COBLL1: variants seen among roughly 807,000 people sequenced by gnomAD.
The protein encoded by COBLL1 is cordon-bleu WH2 repeat protein like 1, also known as cordon-bleu protein-like 1.
COBLL1 carries 50 observed loss-of-function variants against 94.8 expected under a neutral mutation model. The ratio of observed to expected loss-of-function variants is 0.53; its 90% CI spans 0.42 to 0.67. The LOEUF (loss-of-function observed/expected upper bound fraction) is 0.67. Ranked by LOEUF, COBLL1 falls within the 30% of genes least tolerant of loss-of-function variation. The probability of loss-of-function intolerance (pLI) is 0.00; values close to 1 mark genes in which losing one functional copy is unlikely to be tolerated. For missense variants in COBLL1, 1,362 were observed against 1,348.7 expected (o/e 1.01, Z -0.15); for synonymous variants, 448 against 473.8 (o/e 0.95, Z 0.71).
intron 2 of COBLL1, among the ~76,000 whole-genome samples, chr2:164,833,860 GAACTT>G (rs951372785): frequency 2.6e-4 from 39 of 152,236 alleles, no homozygotes; most frequent in East Asian, 1.4e-3. Flanking sequence ...ACAGTATAGT[GAACTT>G]AAATTAAATG....
intron 2 of COBLL1, among the ~76,000 whole-genome samples, chr2:164,808,997 G>C (rs1243685251): frequency 6.6e-6 from 1 of 152,028 alleles, no homozygotes; most frequent in Non-Finnish European, 1.5e-5. Context: ...AGCAGCACTA[G>C]AGCAACACTT....
rs1686250871 is a variant in COBLL1 at position 164,735,515 on chromosome 2, CA to C, written c.231-5401del. On this transcript the variant is annotated intron_variant, in intron 3 of 13. Coordinates refer to ENST00000652658, the MANE Select transcript of COBLL1 (RefSeq NM_001365672.2). ...AACACAGGAAAGCTGACCCTGACCA[CA>C]AGATTTTGAGGTTGGGAATTACTGA... 2.0e-5 allele frequency among the ~76,000 whole-genome samples: 3 copies of C among 152,102 alleles called. 1 individual carries two copies. The highest frequency in any genetic ancestry group is 2.0e-4 in the Admixed American group (3 of 15,248).
intron 7 of COBLL1, among the ~76,000 whole-genome samples, chr2:164,705,565 C>T (rs1558938565): frequency 6.6e-6 from 1 of 152,164 alleles, no homozygotes; most frequent in African/African-American, 2.4e-5. Flanking sequence ...TTCAAGGTCA[C>T]CTACTGCAAA....
In COBLL1 at chr2:164,722,422, T is replaced by C. The variant is rs753640671; in HGVS notation, c.759+3A>G. 2.6e-6 allele frequency: 4 copies of C among 1,513,134 alleles called. No homozygotes were observed. Among genetic ancestry groups the C allele is most frequent in the East Asian group, 4.6e-5 (2 of 43,942 alleles). The allele number at this position is 1,513,134 out of a possible 1,614,324, so 93.7% of individuals were successfully genotyped here. A position where few individuals can be genotyped will look rare whatever the true frequency, so the allele number is the denominator to read the frequency against. On this transcript the variant is annotated splice_donor_region_variant and intron_variant, in intron 6 of 13. Coordinates refer to ENST00000652658, the MANE Select transcript of COBLL1 (RefSeq NM_001365672.2). The stretch of plus-strand genomic sequence containing the variant: ...ACAAAATGCAATATAAGAAAATACT[T>C]ACTTGGTCTCGCTTTTTCTTACTGC...
intron 2 of COBLL1, among the ~76,000 whole-genome samples, chr2:164,803,229 T>G (rs1683901555): frequency 6.6e-6 from 1 of 152,200 alleles, no homozygotes; most frequent in Admixed American, 6.5e-5. Flanking sequence ...AATGTATTAG[T>G]AATATGTGAT....
chr2:164,716,094 C>T (rs1004468514), intron 7 of COBLL1, among the ~76,000 whole-genome samples: 1 of 152,130 alleles, frequency 6.6e-6, no homozygotes, highest in African/African-American at 2.4e-5. Context: ...CATCCTTTGG[C>T]CATTGATTTT....
intron 2 of COBLL1, among the ~76,000 whole-genome samples, chr2:164,791,888 A>T (rs188801944): frequency 0.045 from 6,733 of 149,120 alleles, 474 homozygotes; most frequent in African/African-American, 0.15. Flanking sequence ...TTTTTTTTTT[A>T]AAAAAAGCAG....
At chr2:164,774,364 CT>C (rs1688360063) in intron 2 of COBLL1, among the ~76,000 whole-genome samples, 1 of 152,134 alleles carries the variant, frequency 6.6e-6, no homozygotes, top group Non-Finnish European at 1.5e-5. Context: ...CATGGCTTCA[CT>C]TCTACTAACA....
intron 2 of COBLL1, among the ~76,000 whole-genome samples, chr2:164,744,447 T>C (rs3769889): frequency 0.15 from 23,101 of 152,102 alleles, 1,817 homozygotes; most frequent in East Asian, 0.26. Flanking sequence ...ACCAATTCCA[T>C]AGATGTAACT....
intron 2 of COBLL1, among the ~76,000 whole-genome samples, chr2:164,760,833 G>A (rs375947054): frequency 1.3e-5 from 2 of 152,288 alleles, no homozygotes; most frequent in South Asian, 4.1e-4. Flanking sequence ...TATAACACAT[G>A]TTGGCTTCAG....
intron 2 of COBLL1, among the ~76,000 whole-genome samples, chr2:164,748,102 G>GAA (rs1431863373): frequency 6.6e-6 from 1 of 152,130 alleles, no homozygotes; most frequent in Non-Finnish European, 1.5e-5. Context: ...AAGAAAAGTA[G>GAA]AATTTTGATA....
At chr2:164,834,301 T>A (rs933370481) in intron 2 of COBLL1, among the ~76,000 whole-genome samples, 1 of 152,118 alleles carries the variant, frequency 6.6e-6, no homozygotes, top group Non-Finnish European at 1.5e-5. Flanking sequence ...CTTAATTATA[T>A]CAGTCATTTT....
Position 164,704,459 on chromosome 2 carries a change from C to T in COBLL1, c.1210G>A (p.Glu404Lys), listed in dbSNP as rs370722575. The change falls in exon 9 of 14, where the codon GAG becomes AAG. Residue 404 changes from glutamate (E) to lysine (K), a missense_variant. Coordinates refer to ENST00000652658, the MANE Select transcript of COBLL1 (RefSeq NM_001365672.2). ...DSASEANSPE[E>K]LSSPAGISSD... is the part of the protein sequence containing the mutation. ...GGTGTCATACCTGGGCTGGATAGCT[C>T]CTCAGGAGAGTTTGCTTCTGAAGCA... 3 of 1,612,076 alleles carry T rather than the reference C, an allele frequency of 1.9e-6. No homozygotes were observed. The African/African-American group carries it at 4.0e-5, about 22-fold the overall frequency.
intron 2 of COBLL1, among the ~76,000 whole-genome samples, chr2:164,749,186 T>C (rs1312341972): frequency 1.3e-5 from 2 of 152,170 alleles, no homozygotes; most frequent in Admixed American, 1.3e-4. Context: ...GTATGAGATA[T>C]ACTTACATCC....
intron 12 of COBLL1, among the ~76,000 whole-genome samples, chr2:164,693,229 G>T (rs1176930398): frequency 1.3e-5 from 2 of 152,172 alleles, no homozygotes; most frequent in South Asian, 2.1e-4. Flanking sequence ...CACAGGCTTT[G>T]TGCCCAAGTA....
At chr2:164,694,246 A>G (rs753258023) in intron 12 of COBLL1, 23 bp downstream of exon 12, 85 of 1,585,522 alleles carry the variant, frequency 5.4e-5, no homozygotes, top group Non-Finnish European at 7.0e-5. Context: ...TTGAATACTT[A>G]TTTTTAAAAA....
chr2:164,703,728 A>G (rs1684436216), intron 9 of COBLL1: 2 of 329,912 alleles, frequency 6.1e-6, no homozygotes, highest in East Asian at 1.2e-4. Flanking sequence ...CATTTTTTAT[A>G]CTTACAGAAT....
chr2:164,829,756 A>T (rs1302747578), intron 2 of COBLL1, among the ~76,000 whole-genome samples: 1 of 152,206 alleles, frequency 6.6e-6, no homozygotes, highest in Non-Finnish European at 1.5e-5. Flanking sequence ...AAATACTTTA[A>T]AATTTTTTTC....
intron 7 of COBLL1, among the ~76,000 whole-genome samples, chr2:164,706,899 G>A (rs901061663): frequency 2.0e-5 from 3 of 152,072 alleles, no homozygotes; most frequent in African/African-American, 7.2e-5. Flanking sequence ...GGTAACTTTG[G>A]TCAAAACCCA....
Sources: allele counts gnomAD v4.1 joint callset (sites outside exome capture counted in the v4.1 genomes callset), GRCh38; gene constraint gnomAD v4.1.1; transcripts MANE v1.5; gene names NCBI Gene and HGNC (gene_info 2026-07-23, HGNC 2026-07-21).